Variants in PTN observed in about 807,000 individuals in gnomAD.
The protein encoded by PTN is pleiotrophin.
PTN carries 18 observed loss-of-function variants against 24.1 expected under a neutral mutation model. That is an observed-to-expected ratio of 0.75 (90% CI 0.52 to 1.11). PTN has a LOEUF of 1.11. Ranked by LOEUF, PTN falls within the 50% of genes least tolerant of loss-of-function variation. PTN has a pLI of 0.00. For synonymous variants in PTN, 78 were observed against 68.6 expected (o/e 1.14, Z -0.67); for missense variants, 163 against 198.8 (o/e 0.82, Z 1.08).
intron 1 of PTN, among the ~76,000 whole-genome samples, chr7:137,339,166 C>T (rs955401262): frequency 1.3e-5 from 2 of 152,022 alleles, no homozygotes; most frequent in Non-Finnish European, 2.9e-5. Context: ...ACTTTTAAAG[C>T]ATCTTTTCCA....
chr7:137,296,079 C>T (rs1227277812), intron 1 of PTN, among the ~76,000 whole-genome samples: 1 of 152,038 alleles, frequency 6.6e-6, no homozygotes, highest in African/African-American at 2.4e-5. Context: ...AGTTCTTTCT[C>T]ACTTACTTAA....
chr7:137,240,937 TA>T (rs1808617464), intron 4 of PTN, among the ~76,000 whole-genome samples: 1 of 152,190 alleles, frequency 6.6e-6, no homozygotes, highest in African/African-American at 2.4e-5. Context: ...CACACTGCTA[TA>T]AAGACATTAC....
At chr7:137,285,403 C>T (rs914978816) in intron 1 of PTN, among the ~76,000 whole-genome samples, 1 of 152,128 alleles carries the variant, frequency 6.6e-6, no homozygotes, top group African/African-American at 2.4e-5. Context: ...CGGTAGACCA[C>T]GCCTGTAATC....
chr7:137,239,297 A>G (rs1018785659), intron 4 of PTN, among the ~76,000 whole-genome samples: 3 of 152,222 alleles, frequency 2.0e-5, no homozygotes, highest in Non-Finnish European at 2.9e-5. Context: ...TTAGTTGGAT[A>G]CATCATTCAT....
At chr7:137,241,083 G>A (rs1808620338) in intron 4 of PTN, among the ~76,000 whole-genome samples, 1 of 152,164 alleles carries the variant, frequency 6.6e-6, no homozygotes, top group Non-Finnish European at 1.5e-5. Flanking sequence ...GGCAGCAGGA[G>A]AGACAGCGAG....
chr7:137,240,796 T>C (rs1391593787), intron 4 of PTN, among the ~76,000 whole-genome samples: 1 of 152,176 alleles, frequency 6.6e-6, no homozygotes, highest in Non-Finnish European at 1.5e-5. Flanking sequence ...GAAACTTAGA[T>C]ACCTGTATGG....
At chr7:137,285,876 A>G (rs377175238) in intron 1 of PTN, among the ~76,000 whole-genome samples, 19 of 152,340 alleles carry the variant, frequency 1.2e-4, no homozygotes, top group East Asian at 9.6e-4. Flanking sequence ...TAAAAGACTG[A>G]CCAGCCAAAC....
chr7:137,338,245 C>A (rs1340982010), intron 1 of PTN, among the ~76,000 whole-genome samples: 1 of 152,190 alleles, frequency 6.6e-6, no homozygotes. Context: ...AAAGGACACT[C>A]TTCTCTTCTG....
intron 1 of PTN, among the ~76,000 whole-genome samples, chr7:137,257,488 G>A (rs941528362): frequency 6.6e-6 from 1 of 152,108 alleles, no homozygotes; most frequent in African/African-American, 2.4e-5. Context: ...GTTGGGCACT[G>A]GTACATCAGT....
In PTN at chr7:137,314,402, CAT is replaced by C. The variant is rs1332270573; in HGVS notation, c.-2+29035_-2+29036del. Among the ~76,000 whole-genome samples the C allele has an allele frequency of 3.9e-5, 6 of 152,202 alleles. No homozygotes were observed. The East Asian group carries it at 1.2e-3, about 29-fold the overall frequency. ...GTACCAGCAATTGATGGAAGGTAGA[CAT>C]ATATAAAAATATGTGTAGCACAATG... On this transcript the variant is annotated intron_variant, in intron 1 of 4. Transcript: ENST00000348225.
chr7:137,294,329 C>G lies in PTN; in HGVS notation c.-1-39355G>C, dbSNP rs140650131. Among the ~76,000 whole-genome samples, 439 of 152,194 alleles carry G rather than the reference C, an allele frequency of 2.9e-3. 1 individual carries two copies. The highest frequency in any genetic ancestry group is 0.01 in the African/African-American group (420 of 41,532). ...AAAATTTCAGAAGGCACCTCTTCCTCCAGGTGAACACAAGCCCACACAGGA... is the reference window on the plus strand; with the variant it reads ...AAAATTTCAGAAGGCACCTCTTCCTGCAGGTGAACACAAGCCCACACAGGA... On this transcript the variant is annotated intron_variant, in intron 1 of 4. Transcript: ENST00000348225.
At chr7:137,236,392 AT>A (rs1808521853) in intron 4 of PTN, 5 of 612,508 alleles carry the variant, frequency 8.2e-6, no homozygotes, top group Non-Finnish European at 1.5e-5. Context: ...CCATACATAC[AT>A]GTATACCAAG....
At position 137,257,975 on chromosome 7, in the gene PTN, A is replaced by G. The variant is rs561087917; in HGVS notation, c.-1-3001T>C. 7.5e-4 allele frequency among the ~76,000 whole-genome samples: 114 copies of G among 152,306 alleles called. 4 individuals are homozygous for G. In the South Asian group the frequency reaches 0.022, roughly 29 times the overall value. On this transcript the variant is annotated intron_variant, in intron 1 of 4. Transcript: ENST00000348225. The stretch of plus-strand genomic sequence containing the variant: ...TCTACCTTCTGTAAATAATACAATA[A>G]CACACATATACACACACATGCACAC...
At chr7:137,266,737 A>G (rs1028899335) in intron 1 of PTN, among the ~76,000 whole-genome samples, 2 of 151,660 alleles carry the variant, frequency 1.3e-5, no homozygotes, top group Non-Finnish European at 2.9e-5. Context: ...TTACTATAAT[A>G]CATGTTACAC....
intron 4 of PTN, among the ~76,000 whole-genome samples, chr7:137,235,267 T>C (rs1808499128): frequency 6.6e-6 from 1 of 152,126 alleles, no homozygotes; most frequent in Non-Finnish European, 1.5e-5. Context: ...AAGAATTAAC[T>C]GCCTAGTCAT....
intron 3 of PTN, among the ~76,000 whole-genome samples, chr7:137,252,212 T>A (rs546877593): frequency 6.6e-6 from 1 of 152,050 alleles, no homozygotes; most frequent in South Asian, 2.1e-4. Context: ...TCACTATTTT[T>A]TATTCTAGCC....
intron 1 of PTN, among the ~76,000 whole-genome samples, chr7:137,258,900 A>T (rs964546936): frequency 4.0e-5 from 6 of 151,842 alleles, no homozygotes; most frequent in Non-Finnish European, 7.4e-5. Flanking sequence ...ATCGTGGCAT[A>T]TTTTTTTTAA....
chr7:137,299,396 C>G (rs1809770598), intron 1 of PTN, among the ~76,000 whole-genome samples: 1 of 151,852 alleles, frequency 6.6e-6, no homozygotes, highest in African/African-American at 2.4e-5. Context: ...CCCCATTTTA[C>G]AAATGGGGAA....
At chr7:137,299,773 G>A (rs17169059) in intron 1 of PTN, among the ~76,000 whole-genome samples, 7,556 of 151,796 alleles carry the variant, frequency 0.05, 330 homozygotes, top group African/African-American at 0.12. Context: ...CCCGGTTTTT[G>A]TTTCTGTGCT....
Sources: gnomAD v4.1 joint callset for allele counts (sites outside exome capture counted in the v4.1 genomes callset) on GRCh38, gnomAD v4.1.1 for gene constraint, MANE v1.5 for transcripts, NCBI Gene and HGNC (gene_info 2026-07-23, HGNC 2026-07-21) for gene names.